Variants in PAK4 observed in about 807,000 individuals in gnomAD.
PAK4 encodes the protein serine/threonine-protein kinase PAK 4.
A neutral mutation model predicts 53.5 loss-of-function variants in PAK4; 49 were observed. The ratio of observed to expected loss-of-function variants is 0.92; its 90% CI spans 0.73 to 1.16. PAK4 has a LOEUF of 1.16. Among genes scored for constraint, PAK4 ranks in the 50% most tolerant of loss-of-function variants. The pLI, the probability that PAK4 is intolerant of heterozygous loss-of-function variation, is 0.00. For missense variants in PAK4, 824 were observed against 850.7 expected, an observed-to-expected ratio of 0.97 and a Z score of 0.39; for synonymous variants, 376 against 375.6, an observed-to-expected ratio of 1.00 and a Z score of -0.01.
At chr19:39,160,000 C>G (rs1250424047) in intron 1 of PAK4, among the ~76,000 whole-genome samples, 1 of 152,232 alleles carries the variant, frequency 6.6e-6, no homozygotes, top group Non-Finnish European at 1.5e-5. Flanking sequence ...GGATACGCTG[C>G]CACTTCCTGA....
At chr19:39,148,916 G>A (rs2074050709) in intron 1 of PAK4, among the ~76,000 whole-genome samples, 1 of 152,110 alleles carries the variant, frequency 6.6e-6, no homozygotes. Flanking sequence ...TGTTGAAAAT[G>A]CTGTCTTTCC....
intron 1 of PAK4, among the ~76,000 whole-genome samples, chr19:39,151,409 G>T (rs2074091866): frequency 6.6e-6 from 1 of 152,262 alleles, no homozygotes; most frequent in Admixed American, 6.5e-5. Flanking sequence ...CACCGCCGAG[G>T]GGCTGTGAGT....
intron 1 of PAK4, among the ~76,000 whole-genome samples, chr19:39,150,076 AT>A: frequency 6.6e-6 from 1 of 152,326 alleles, no homozygotes; most frequent in South Asian, 2.1e-4. Context: ...ATGGTTAACA[AT>A]GATAAATATG....
chr19:39,168,286 C>G (rs1293655989), intron 1 of PAK4: 1 of 152,170 alleles, frequency 6.6e-6, no homozygotes, highest in Middle Eastern at 3.2e-3. Context: ...ACTTCTGTCC[C>G]ACCAGCATCA....
intron 1 of PAK4, among the ~76,000 whole-genome samples, chr19:39,137,950 G>A (rs2073846903): frequency 6.6e-6 from 1 of 150,614 alleles, no homozygotes; most frequent in Non-Finnish European, 1.5e-5. Flanking sequence ...ACAGGCGGGA[G>A]CCACTGTGCC....
intron 1 of PAK4, among the ~76,000 whole-genome samples, chr19:39,159,616 G>C (rs1195307966): frequency 1.3e-5 from 2 of 152,224 alleles, no homozygotes; most frequent in Non-Finnish European, 2.9e-5. Flanking sequence ...TCGAACTCCT[G>C]ACATCAGGTG....
intron 1 of PAK4, among the ~76,000 whole-genome samples, chr19:39,165,192 G>GATAATAATAATAATAATAATAATAATA (rs74176492): frequency 2.0e-3 from 257 of 130,470 alleles, no homozygotes; most frequent in Middle Eastern, 3.9e-3. Flanking sequence ...TGATGATGAT[G>GATAATAATAATAATAATAATAATAATA]ATGATAATAA....
intron 1 of PAK4, among the ~76,000 whole-genome samples, chr19:39,149,564 A>G (rs1308739314): frequency 6.6e-6 from 1 of 152,126 alleles, no homozygotes; most frequent in South Asian, 2.1e-4. Context: ...CTTTTAAAAT[A>G]TATGTATATA....
rs772193792 is a variant in PAK4, at chr19:39,164,869, TGTG to T, written c.-22-4655_-22-4653del. Among the ~76,000 whole-genome samples, 115 of 152,146 alleles carry T rather than the reference TGTG, an allele frequency of 7.6e-4. 1 individual carries two copies. The highest frequency in any genetic ancestry group is 1.5e-3 in the Non-Finnish European group (99 of 67,990). ...CGTCTGCTCTGGGCCATGGGTCCCT[TGTG>T]GTGGTGGCGATGGTGGTGGGAGTAC... On this transcript the variant is annotated intron_variant, in intron 1 of 8. Coordinates refer to ENST00000358301, the Ensembl canonical transcript of PAK4.
chr19:39,169,481 G>T, intron 1 of PAK4, 51 bp from the exon 3 acceptor site: 2 of 1,320,322 alleles, frequency 1.5e-6, no homozygotes, highest in South Asian at 2.4e-5. Flanking sequence ...GGGCAGAGGA[G>T]GAAGAGACAT....
chr19:39,154,417 A>G (rs2074142638), intron 1 of PAK4, among the ~76,000 whole-genome samples: 2 of 152,194 alleles, frequency 1.3e-5, no homozygotes, highest in South Asian at 4.1e-4. Context: ...ACACACACGT[A>G]GGATCTCTCA....
intron 1 of PAK4, among the ~76,000 whole-genome samples, chr19:39,142,708 C>T (rs534226472): frequency 3.3e-5 from 5 of 152,326 alleles, no homozygotes; most frequent in Admixed American, 6.5e-5. Flanking sequence ...CAACCCCTTC[C>T]GCATCGCGTG....
At chr19:39,142,038 C>T (rs893719930) in intron 1 of PAK4, among the ~76,000 whole-genome samples, 5 of 152,074 alleles carry the variant, frequency 3.3e-5, no homozygotes, top group East Asian at 1.9e-4. Context: ...TGCAGTGGAG[C>T]GATCAGAGCT....
Position 39,173,175 on chromosome 19 carries a change from G to A in PAK4, c.462G>A (p.Ala154=), listed in dbSNP as rs369129733. 2.7e-5 allele frequency: 41 copies of A among 1,541,266 alleles called. No individual in the cohort carries two copies. In the Middle Eastern group the frequency reaches 1.4e-3, roughly 53 times the overall value. The change falls in exon 3 of 9, where the codon GCG becomes GCA. Residue 154 remains alanine, a synonymous_variant. Coordinates refer to ENST00000358301, the Ensembl canonical transcript of PAK4. The surrounding 1 kb of genome is among the most constrained non-coding windows in gnomAD (Gnocchi z 6.9). Reference sequence around the variant, plus strand: ...GCGGCAGTGGTGACAGGCGACGGGCGGGGCCAGAGAAGAGGCCCAAGTCTT... The same window carrying A: ...GCGGCAGTGGTGACAGGCGACGGGCAGGGCCAGAGAAGAGGCCCAAGTCTT...
chr19:39,150,220 C>G (rs1388683440), intron 1 of PAK4, among the ~76,000 whole-genome samples: 7 of 152,040 alleles, frequency 4.6e-5, no homozygotes, highest in Admixed American at 3.3e-4. Flanking sequence ...GGGTTACTTG[C>G]TGCAGCGCTG....
chr19:39,169,500 TCTCA>T (rs758318728), intron 1 of PAK4, 28 bp from the exon 3 acceptor site: 73 of 1,479,676 alleles, frequency 4.9e-5, no homozygotes, highest in Non-Finnish European at 6.4e-5. Context: ...ATGGGCAGGC[TCTCA>T]CTCACCCACC....
intron 1 of PAK4, among the ~76,000 whole-genome samples, chr19:39,132,585 C>T (rs1194378246): frequency 6.6e-6 from 1 of 152,264 alleles, no homozygotes; most frequent in Non-Finnish European, 1.5e-5. Context: ...TGATGGCCAT[C>T]AGGCCATTCC....
chr19:39,167,042 C>T (rs1390029488), intron 1 of PAK4, among the ~76,000 whole-genome samples: 1 of 152,196 alleles, frequency 6.6e-6, no homozygotes, highest in East Asian at 1.9e-4. Flanking sequence ...CGGAGGACAT[C>T]CCCCAGACCC....
At chr19:39,169,407 C>T in intron 1 of PAK4, 125 bp from the exon 3 acceptor site, 1 of 712,588 alleles carries the variant, frequency 1.4e-6, no homozygotes, top group Non-Finnish European at 2.4e-6. Flanking sequence ...GCAGGGAGAC[C>T]CAGAAGGAGG....
Sources: gnomAD v4.1 joint callset for allele counts (sites outside exome capture counted in the v4.1 genomes callset) on GRCh38, gnomAD v4.1.1 for gene constraint, Gnocchi (gnomAD v3.1) non-coding constraint, MANE v1.5 for transcripts, NCBI Gene and HGNC (gene_info 2026-07-23, HGNC 2026-07-21) for gene names.